Variants in ARHGAP42 observed in about 807,000 individuals in gnomAD.
ARHGAP42 encodes the protein rho GTPase-activating protein 42.
In ARHGAP42, 63 loss-of-function variants were observed where a neutral mutation model predicts 125.0. The observed-to-expected ratio is 0.50, with a 90% CI of 0.41 to 0.62. The LOEUF (loss-of-function observed/expected upper bound fraction) is 0.62. Ranked by LOEUF, ARHGAP42 falls within the 20% of genes least tolerant of loss-of-function variation. The pLI is 0.00. For synonymous variants in ARHGAP42, 339 were observed against 351.0 expected, an observed-to-expected ratio of 0.97 and a Z score of 0.38; for missense variants, 766 against 1,024.2, an observed-to-expected ratio of 0.75 and a Z score of 3.44.
chr11:100,731,437 C>G (rs1861957404), intron 1 of ARHGAP42, among the ~76,000 whole-genome samples: 1 of 152,200 alleles, frequency 6.6e-6, no homozygotes, highest in African/African-American at 2.4e-5. Context: ...GCGTGAGCCA[C>G]TGTGCCCGGC....
intron 15 of ARHGAP42, 37 bp from the exon 16 acceptor site, chr11:100,962,372 C>G (rs1449805754): frequency 2.6e-6 from 4 of 1,512,228 alleles, no homozygotes; most frequent in Non-Finnish European, 3.6e-6. Flanking sequence ...ATAAAAGATT[C>G]TACTATTCTA....
chr11:100,937,439 G>A (rs140668815), intron 8 of ARHGAP42, among the ~76,000 whole-genome samples: 1 of 151,806 alleles, frequency 6.6e-6, no homozygotes, highest in Non-Finnish European at 1.5e-5. Flanking sequence ...TTATTGTTAT[G>A]TTTTTTACAC....
intron 3 of ARHGAP42, among the ~76,000 whole-genome samples, chr11:100,800,771 A>G (rs1179293821): frequency 6.6e-6 from 1 of 152,202 alleles, no homozygotes; most frequent in Non-Finnish European, 1.5e-5. Context: ...AAGAATGTGC[A>G]ATGTAATGAA....
chr11:100,977,734 G>C (rs1477769574), intron 21 of ARHGAP42, among the ~76,000 whole-genome samples: 1 of 152,158 alleles, frequency 6.6e-6, no homozygotes, highest in Non-Finnish European at 1.5e-5. Context: ...GAAATGGGTA[G>C]TATAAACCAC....
chr11:100,846,951 T>G (rs1383521388), intron 3 of ARHGAP42, among the ~76,000 whole-genome samples: 2 of 152,060 alleles, frequency 1.3e-5, no homozygotes, highest in African/African-American at 2.4e-5. Flanking sequence ...TTCAATAGGA[T>G]GGCACCAGGT....
intron 4 of ARHGAP42, among the ~76,000 whole-genome samples, chr11:100,911,543 GAA>G (rs1866917756): frequency 6.6e-6 from 1 of 151,832 alleles, no homozygotes; most frequent in African/African-American, 2.4e-5. Flanking sequence ...CCTAGAGAGA[GAA>G]AAGAAAAAAG....
intron 17 of ARHGAP42, among the ~76,000 whole-genome samples, chr11:100,968,794 T>A (rs762095683): frequency 2.0e-5 from 3 of 152,190 alleles, no homozygotes; most frequent in Non-Finnish European, 4.4e-5. Context: ...ATATCACATT[T>A]TTAAATGTTA....
chr11:100,940,598 G>A (rs918757116), intron 8 of ARHGAP42, among the ~76,000 whole-genome samples: 2 of 152,122 alleles, frequency 1.3e-5, no homozygotes, highest in African/African-American at 4.8e-5. Flanking sequence ...ATTTTTGGGG[G>A]AAAAGAAAGT....
intron 5 of ARHGAP42, 137 bp from the exon 6 acceptor site, chr11:100,921,357 T>C: frequency 1.7e-6 from 1 of 581,598 alleles, no homozygotes; most frequent in Non-Finnish European, 3.0e-6. Flanking sequence ...CACTATAAGC[T>C]CCTGTAGGCA....
Position 100,883,660 on chromosome 11 carries a change from T to C in ARHGAP42, c.384+24035T>C, listed in dbSNP as rs1866015193. On this transcript the variant is annotated intron_variant, in intron 4 of 23. Coordinates refer to ENST00000298815, the MANE Select transcript of ARHGAP42 (RefSeq NM_152432.4). ...CCCTGACCTTAACACAGTAAAAATGTTGATATTGTTATATAAAATATCTGT... is the reference window on the plus strand; with the variant it reads ...CCCTGACCTTAACACAGTAAAAATGCTGATATTGTTATATAAAATATCTGT... 1.3e-5 allele frequency among the ~76,000 whole-genome samples: 2 copies of C among 152,202 alleles called. 1 individual carries two copies. Among genetic ancestry groups the C allele is most frequent in the South Asian group, 4.1e-4 (2 of 4,822 alleles).
chr11:100,691,800 A>C (rs1861196115), intron 1 of ARHGAP42, among the ~76,000 whole-genome samples: 1 of 152,210 alleles, frequency 6.6e-6, no homozygotes, highest in Admixed American at 6.5e-5. Context: ...CTGAGATTAC[A>C]GGTGTGAGCC....
At chr11:100,693,107 G>A (rs751201931) in intron 1 of ARHGAP42, among the ~76,000 whole-genome samples, 17 of 150,734 alleles carry the variant, frequency 1.1e-4, no homozygotes, top group Middle Eastern at 3.5e-3. Context: ...TTAGCTTCTT[G>A]TAAGAACTGC....
At chr11:100,793,283 C>T (rs914992021) in intron 2 of ARHGAP42, among the ~76,000 whole-genome samples, 2 of 152,190 alleles carry the variant, frequency 1.3e-5, no homozygotes, top group Non-Finnish European at 2.9e-5. Flanking sequence ...TGCTGTTATA[C>T]ACTCCAGTTA....
At chr11:100,753,160 G>A (rs1018280273) in intron 1 of ARHGAP42, among the ~76,000 whole-genome samples, 3 of 152,132 alleles carry the variant, frequency 2.0e-5, no homozygotes, top group Non-Finnish European at 4.4e-5. Context: ...GGCCCCTGTG[G>A]GGGTGAGGGG....
At position 100,976,878 on chromosome 11, in the gene ARHGAP42, A is replaced by G; in HGVS notation, c.2300A>G (p.Lys767Arg). 2 of 1,551,574 alleles carry G rather than the reference A, an allele frequency of 1.3e-6. No individual in the cohort carries two copies. Among genetic ancestry groups the G allele is most frequent in the South Asian group, 2.4e-5 (2 of 84,052 alleles). ...LTSVGSKETP[K>R]ASPNPDLPPK... ...TCTGTAGGTTCCAAGGAGACACCCA[A>G]AGCTTCACCAAACCCAGACCTGCCT... The change falls in exon 21 of 24, where the codon AAA (lysine) becomes AGA (arginine). Residue 767 changes from lysine to arginine, a missense_variant. Around this residue, in one of 3 missense-constraint regions of ARHGAP42, gnomAD observed 308 missense variants for 369.7 expected, o/e 0.83. Transcript: ENST00000298815.
In ARHGAP42 at chr11:100,687,598, C is replaced by A; in HGVS notation, c.-81C>A. On this transcript the variant is annotated 5_prime_UTR_variant, in exon 1 of 24. Transcript: ENST00000298815. ...CTTCCCCGCGATCGCGCGACCCCAG[C>A]GCCCGCCGCGGCCGCCGGCTGCCCC... 8.8e-7 allele frequency: 1 copy of A among 1,130,844 alleles called. No individual in the cohort carries two copies. Among genetic ancestry groups the A allele is most frequent in the Non-Finnish European group, 1.1e-6 (1 of 909,574 alleles). The allele number at this position is 1,130,844 out of a possible 1,614,324, so 70.1% of individuals were successfully genotyped here.
intron 12 of ARHGAP42, among the ~76,000 whole-genome samples, chr11:100,950,284 T>A: frequency 7.3e-6 from 1 of 136,630 alleles, no homozygotes; most frequent in African/African-American, 2.5e-5. Context: ...TTATTATATA[T>A]TAAATATATT....
chr11:100,929,916 C>T (rs1867528182), intron 6 of ARHGAP42, among the ~76,000 whole-genome samples: 1 of 151,940 alleles, frequency 6.6e-6, no homozygotes, highest in Non-Finnish European at 1.5e-5. Context: ...AATATTTGTT[C>T]CTTTTCTGTC....
chr11:100,925,448 T>C (rs1867392349), intron 6 of ARHGAP42, among the ~76,000 whole-genome samples: 1 of 152,120 alleles, frequency 6.6e-6, no homozygotes, highest in Non-Finnish European at 1.5e-5. Flanking sequence ...ATTTAAAATA[T>C]GTTTACTAGC....
Sources: gnomAD v4.1 joint callset for allele counts (sites outside exome capture counted in the v4.1 genomes callset) on GRCh38, gnomAD v4.1.1 for gene constraint, gnomAD v4.1.1 regional missense constraint, MANE v1.5 for transcripts, NCBI Gene and HGNC (gene_info 2026-07-23, HGNC 2026-07-21) for gene names.